SLC39A10: variants seen among roughly 807,000 people sequenced by gnomAD.
SLC39A10 encodes the protein solute carrier family 39 member 10.
In SLC39A10, 13 loss-of-function variants were observed where a neutral mutation model predicts 65.1. The observed-to-expected ratio is 0.20, with a 90% confidence interval of 0.13 to 0.32. The LOEUF (loss-of-function observed/expected upper bound fraction) is 0.32, where lower values mean the gene tolerates loss of function less well. Ranked by LOEUF, SLC39A10 falls within the 10% of genes least tolerant of loss-of-function variation. SLC39A10 has a pLI of 1.00. For synonymous variants in SLC39A10, 321 were observed against 342.2 expected, an observed-to-expected ratio of 0.94 and a Z score of 0.68; for missense variants, 831 against 1,018.4, an observed-to-expected ratio of 0.82 and a Z score of 2.50.
rs575536457 is a variant in SLC39A10, at chr2:195,645,541, T to A, written c.-11-34491T>A. On this transcript the variant is annotated intron_variant, in intron 2 of 2. Transcript: ENST00000458054. ...GCAGTGCTTGATTTTTTACTTTCAT[T>A]TTTCCAAACAGAAACGCTACCAATT... Among the ~76,000 whole-genome samples the A allele has an allele frequency of 1.5e-4, 23 of 152,316 alleles. No homozygotes were observed. In the South Asian group the frequency reaches 4.3e-3, roughly 29 times the overall value.
intron 3 of SLC39A10, among the ~76,000 whole-genome samples, chr2:195,685,838 TTGAA>T (rs1690504271): frequency 6.6e-6 from 1 of 152,212 alleles, no homozygotes; most frequent in African/African-American, 2.4e-5. Context: ...CTTATGTTGA[TTGAA>T]TGAATACAAT....
At position 195,736,705 on chromosome 2, in the gene SLC39A10, T is replaced by A. The variant is rs1421340622; in HGVS notation, c.*1664T>A. ...TTAATTTATGCTTGAATCTGAAAAA[T>A]TATTTCTGACTTACTCCATGGCCTC... On this transcript the variant is annotated 3_prime_UTR_variant, in exon 10 of 10. Transcript: ENST00000359634. The A allele has an allele frequency of 1.3e-5, 2 of 152,318 alleles. No individual in the cohort carries two copies. Among genetic ancestry groups the A allele is most frequent in the Non-Finnish European group, 2.9e-5 (2 of 68,036 alleles). The allele number at this position is 152,318 out of a possible 1,614,324, so 9.4% of individuals were successfully genotyped here.
chr2:195,620,236 T>G (rs1412682880), intron 2 of SLC39A10, among the ~76,000 whole-genome samples: 1 of 152,146 alleles, frequency 6.6e-6, no homozygotes, highest in Non-Finnish European at 1.5e-5. Context: ...CCTCCAGGAC[T>G]TTAGACATTA....
In SLC39A10 at chr2:195,736,163, A is replaced by C. The variant is rs1239933873; in HGVS notation, c.*1122A>C. Reference sequence around the variant, plus strand: ...TGTCATGGTACCCAAGTGACTTGGAAGATGCATTTAAATTACTCAGCTGAA... The same window carrying C: ...TGTCATGGTACCCAAGTGACTTGGACGATGCATTTAAATTACTCAGCTGAA... On this transcript the variant is annotated 3_prime_UTR_variant, in exon 10 of 10. Coordinates refer to ENST00000359634, the MANE Select transcript of SLC39A10 (RefSeq NM_020342.3). 1 of 152,708 alleles carries C rather than the reference A, an allele frequency of 6.5e-6. No homozygotes were observed. Among genetic ancestry groups the C allele is most frequent in the African/African-American group, 2.4e-5 (1 of 41,446 alleles). 9.5% of individuals were successfully genotyped at this position (152,708 alleles called of 1,614,324 possible). A position where few individuals can be genotyped will look rare whatever the true frequency, so the allele number is the denominator to read the frequency against.
intron 1 of SLC39A10, among the ~76,000 whole-genome samples, chr2:195,675,753 G>A (rs1477930650): frequency 1.3e-5 from 2 of 152,154 alleles, no homozygotes; most frequent in Admixed American, 1.3e-4. Context: ...TCTTGAATGT[G>A]TCTTTGCGTG....
intron 1 of SLC39A10, among the ~76,000 whole-genome samples, chr2:195,675,587 A>G (rs1254352788): frequency 6.6e-6 from 1 of 152,020 alleles, no homozygotes; most frequent in Non-Finnish European, 1.5e-5. Context: ...GCCCGTCACC[A>G]TGCCTGGCTA....
At chr2:195,679,858 T>C (rs1344444796) in intron 1 of SLC39A10, among the ~76,000 whole-genome samples, 174 bp from the exon 2 acceptor site, 2 of 152,216 alleles carry the variant, frequency 1.3e-5, no homozygotes, top group Non-Finnish European at 2.9e-5. Flanking sequence ...CATAATTAAT[T>C]CTACCATTTG....
chr2:195,712,441 A>G (rs968867239), intron 5 of SLC39A10, among the ~76,000 whole-genome samples: 1 of 152,268 alleles, frequency 6.6e-6, no homozygotes, highest in Non-Finnish European at 1.5e-5. Flanking sequence ...CTTATGCTCT[A>G]CTAGCCATGC....
chr2:195,618,849 T>A (rs1688285060), intron 2 of SLC39A10, among the ~76,000 whole-genome samples: 1 of 151,986 alleles, frequency 6.6e-6, no homozygotes, highest in South Asian at 2.1e-4. Flanking sequence ...TCCCAGCACT[T>A]CAGGAGTCTG....
At chr2:195,635,666 T>C (rs900202127) in intron 2 of SLC39A10, among the ~76,000 whole-genome samples, 8 of 151,762 alleles carry the variant, frequency 5.3e-5, no homozygotes, top group African/African-American at 1.9e-4. Flanking sequence ...AGTAATTGAA[T>C]TGTGAGCTGA....
intron 2 of SLC39A10, among the ~76,000 whole-genome samples, chr2:195,681,856 CTA>C (rs1690337853): frequency 6.6e-6 from 1 of 152,022 alleles, no homozygotes; most frequent in Non-Finnish European, 1.5e-5. Flanking sequence ...ATTGAATTAA[CTA>C]TTGAGTGGTT....
In SLC39A10 at chr2:195,737,566, A is replaced by AT. The variant is rs1692696459; in HGVS notation, c.*2531dup. 1.7e-5 allele frequency: 3 copies of AT among 176,730 alleles called. No individual in the cohort carries two copies. Among genetic ancestry groups the AT allele is most frequent in the Non-Finnish European group, 3.6e-5 (3 of 83,132 alleles). 10.9% of individuals were successfully genotyped at this position (176,730 alleles called of 1,614,324 possible). A position where few individuals can be genotyped will look rare whatever the true frequency, so the allele number is the denominator to read the frequency against. ...ACTTTTGTTTTGTTTTAACTGAATCATTTTTTAACTTAAAAAGCTGGAAAA... is the reference window on the plus strand; with the variant it reads ...ACTTTTGTTTTGTTTTAACTGAATCATTTTTTTAACTTAAAAAGCTGGAAAA... On this transcript the variant is annotated 3_prime_UTR_variant, in exon 10 of 10. Transcript: ENST00000359634.
At position 195,708,834 on chromosome 2, in the gene SLC39A10, A is replaced by G; in HGVS notation, c.1565A>G (p.Lys522Arg). The part of the protein sequence containing the change: ...EHCIRMFKHY[K>R]QQRGKQKWFM... Reference sequence around the variant, plus strand: ...TGCATTAGAATGTTTAAGCACTACAAACAACAAAGAGTAAGTATTTTTTAT... The same window carrying G: ...TGCATTAGAATGTTTAAGCACTACAGACAACAAAGAGTAAGTATTTTTTAT... The change falls in exon 5 of 10, where the codon AAA becomes AGA. Residue 522 changes from lysine to arginine, a missense_variant. Lys to Arg is a conservative substitution (Grantham distance 26, BLOSUM62 2). Around this residue, in one of 4 missense-constraint regions of SLC39A10, gnomAD observed 230 missense variants for 242.9 expected, o/e 0.95. Coordinates refer to ENST00000359634, the MANE Select transcript of SLC39A10 (RefSeq NM_020342.3). 1 of 1,600,522 alleles carries G rather than the reference A, an allele frequency of 6.2e-7. No homozygotes were observed. The highest frequency in any genetic ancestry group is 8.5e-7 in the Non-Finnish European group (1 of 1,175,098).
chr2:195,622,298 C>G (rs1688365313), intron 2 of SLC39A10, among the ~76,000 whole-genome samples: 1 of 151,868 alleles, frequency 6.6e-6, no homozygotes, highest in South Asian at 2.1e-4. Context: ...CCCCGGAGGT[C>G]AAGGCTGCAG....
At chr2:195,733,075 C>CTAAATA (rs1692478940) in intron 9 of SLC39A10, among the ~76,000 whole-genome samples, 1 of 152,154 alleles carries the variant, frequency 6.6e-6, no homozygotes, top group South Asian at 2.1e-4. Flanking sequence ...TACCATAGCA[C>CTAAATA]TGTCAGAGCA....
At chr2:195,636,360 TAGTA>T (rs1043741640) in intron 2 of SLC39A10, among the ~76,000 whole-genome samples, 75 of 152,342 alleles carry the variant, frequency 4.9e-4, no homozygotes, top group East Asian at 9.6e-4. Context: ...CCACATGAAA[TAGTA>T]AGTATTTAAA....
At chr2:195,721,354 T>G (rs1692032000) in intron 8 of SLC39A10, among the ~76,000 whole-genome samples, 1 of 152,238 alleles carries the variant, frequency 6.6e-6, no homozygotes, top group African/African-American at 2.4e-5. Flanking sequence ...TCACCAAATG[T>G]GTAGTGTGGG....
At chr2:195,658,798 C>T (rs1337754242) in intron 1 of SLC39A10, among the ~76,000 whole-genome samples, 3 of 128,252 alleles carry the variant, frequency 2.3e-5, no homozygotes, top group East Asian at 2.1e-4. Flanking sequence ...TCCAGTGGCT[C>T]CTTACTGGAA....
chr2:195,651,761 C>G (rs1338488375), upstream of SLC39A10, among the ~76,000 whole-genome samples: 2 of 152,298 alleles, frequency 1.3e-5, no homozygotes, highest in South Asian at 4.1e-4. Flanking sequence ...AGGTGTGAGC[C>G]ACTGCCCATG....
Sources: gnomAD v4.1 joint callset for allele counts (sites outside exome capture counted in the v4.1 genomes callset) on GRCh38, gnomAD v4.1.1 for gene constraint, gnomAD v4.1.1 regional missense constraint, MANE v1.5 for transcripts, NCBI Gene and HGNC (gene_info 2026-07-23, HGNC 2026-07-21) for gene names.